ARK2N: variants seen among roughly 807,000 people sequenced by gnomAD.
ARK2N encodes the protein protein ARK2N.
the ARK2N span, among the ~76,000 whole-genome samples, chr18:46,252,799 T>G: frequency 6.6e-6 from 1 of 152,246 alleles, no homozygotes; most frequent in African/African-American, 2.4e-5. Context: ...GGCCGAATTA[T>G]TTTAGCTCTT....
chr18:46,196,661 A>G, the ARK2N span, among the ~76,000 whole-genome samples: 1 of 152,240 alleles, frequency 6.6e-6, no homozygotes, highest in African/African-American at 2.4e-5. Flanking sequence ...TAGTGGGGTG[A>G]TATTAGCAAT....
the ARK2N span, among the ~76,000 whole-genome samples, chr18:46,224,308 G>A: frequency 1.5e-4 from 23 of 152,158 alleles, no homozygotes; most frequent in African/African-American, 4.3e-4. Context: ...ACAGACCAGC[G>A]TTTGTAAAAG....
chr18:46,188,293 C>T, the ARK2N span, among the ~76,000 whole-genome samples: 130 of 152,226 alleles, frequency 8.5e-4, no homozygotes, highest in African/African-American at 1.4e-3. Flanking sequence ...CTCTGCCTCC[C>T]GGGTTCAAGT....
At chr18:46,258,773 A>C in the ARK2N span, among the ~76,000 whole-genome samples, 1 of 152,162 alleles carries the variant, frequency 6.6e-6, no homozygotes, top group Non-Finnish European at 1.5e-5. Flanking sequence ...TTCATGATAC[A>C]GAAAAAGCAT....
At chr18:46,175,339 C>T in the ARK2N span, among the ~76,000 whole-genome samples, 1 of 152,156 alleles carries the variant, frequency 6.6e-6, no homozygotes, top group Non-Finnish European at 1.5e-5. Context: ...ATTACAAAAA[C>T]ATCTGCCAAT....
At chr18:46,225,467 G>GTT in the ARK2N span, among the ~76,000 whole-genome samples, 287 of 151,454 alleles carry the variant, frequency 1.9e-3, 2 homozygotes, top group Middle Eastern at 0.02. Context: ...TGATGTTGCT[G>GTT]TTTTTTTTTG....
the ARK2N span, chr18:46,232,721 A>G: frequency 6.6e-5 from 10 of 152,194 alleles, no homozygotes; most frequent in Non-Finnish European, 1.3e-4. Context: ...GTATTAAATT[A>G]CCACAGTGTA....
At chr18:46,231,637 A>T in the ARK2N span, 1 of 128,886 alleles carries the variant, frequency 7.8e-6, no homozygotes. Flanking sequence ...TAACTAATTT[A>T]TTTTGAGTAT....
chr18:46,237,706 TC>T, the ARK2N span, among the ~76,000 whole-genome samples: 2 of 152,140 alleles, frequency 1.3e-5, no homozygotes, highest in Admixed American at 1.3e-4. Flanking sequence ...TTTAAACAAA[TC>T]TTACTTAATT....
At chr18:46,210,817 G>A in the ARK2N span, among the ~76,000 whole-genome samples, 201 of 152,028 alleles carry the variant, frequency 1.3e-3, no homozygotes, top group Admixed American at 1.8e-3. Flanking sequence ...GGGCTGAGGC[G>A]GGAGGATCAC....
At chr18:46,266,032 A>G in the ARK2N span, 1 of 152,174 alleles carries the variant, frequency 6.6e-6, no homozygotes, top group African/African-American at 2.4e-5. Flanking sequence ...TTGTCTTTTC[A>G]TTTTGATGGT....
chr18:46,191,837 C>A, the ARK2N span, among the ~76,000 whole-genome samples: 1 of 152,214 alleles, frequency 6.6e-6, no homozygotes, highest in Non-Finnish European at 1.5e-5. Context: ...TCCCTTCCCC[C>A]ACCCTCTGGC....
the ARK2N span, chr18:46,239,977 A>G: frequency 6.2e-7 from 1 of 1,602,386 alleles, no homozygotes; most frequent in South Asian, 1.1e-5. Context: ...CACGTTAGAT[A>G]CAAGTATACA....
chr18:46,260,924 T>C, the ARK2N span, among the ~76,000 whole-genome samples: 1 of 152,250 alleles, frequency 6.6e-6, no homozygotes, highest in Admixed American at 6.5e-5. Flanking sequence ...AGATCAGATT[T>C]TTTAAAAAGC....
At chr18:46,263,258 C>T in the ARK2N span, 1 of 727,240 alleles carries the variant, frequency 1.4e-6, no homozygotes, top group Non-Finnish European at 2.1e-6. Context: ...AAAATTCCCT[C>T]CTCTTCCCCC....
the ARK2N span, among the ~76,000 whole-genome samples, chr18:46,202,908 A>G: frequency 2.0e-5 from 3 of 152,106 alleles, no homozygotes; most frequent in African/African-American, 7.2e-5. Flanking sequence ...TCTTCTAGAT[A>G]TGATGGACTT....
At chr18:46,238,845 T>C in the ARK2N span, among the ~76,000 whole-genome samples, 1 of 152,224 alleles carries the variant, frequency 6.6e-6, no homozygotes. Flanking sequence ...TGTTACATTT[T>C]TATGATTCAT....
At chr18:46,241,889 T>C in the ARK2N span, among the ~76,000 whole-genome samples, 1 of 151,586 alleles carries the variant, frequency 6.6e-6, no homozygotes, top group Non-Finnish European at 1.5e-5. Context: ...CGATCTCAGC[T>C]CACTGCAACC....
At chr18:46,215,716 A>G in the ARK2N span, 1 of 598,726 alleles carries the variant, frequency 1.7e-6, no homozygotes, top group Non-Finnish European at 3.0e-6. Flanking sequence ...CCTGTGTAAT[A>G]GTAAGTTTTG....
Sources: allele counts gnomAD v4.1 joint callset (sites outside exome capture counted in the v4.1 genomes callset), GRCh38; gene constraint gnomAD v4.1.1; transcripts MANE v1.5; gene names NCBI Gene and HGNC (gene_info 2026-07-23, HGNC 2026-07-21).